Variants in CERS6 observed in about 807,000 individuals in gnomAD.
CERS6 encodes the protein ceramide synthase 6.
A neutral mutation model predicts 56.8 loss-of-function variants in CERS6; 26 were observed. The observed-to-expected ratio is 0.46, with a 90% CI of 0.34 to 0.63. The LOEUF is 0.63. Among genes scored for constraint, CERS6 ranks in the 30% least tolerant of loss-of-function variants. CERS6 has a pLI of 0.01. For missense variants in CERS6, 415 were observed against 467.5 expected (o/e 0.89, Z 1.04); for synonymous variants, 164 against 173.3 (o/e 0.95, Z 0.42).
chr2:168,680,335 G>A (rs1442782544), intron 4 of CERS6, among the ~76,000 whole-genome samples: 1 of 152,202 alleles, frequency 6.6e-6, no homozygotes, highest in South Asian at 2.1e-4. Context: ...GCTGAAAATA[G>A]GGAGGAGGCA....
intron 8 of CERS6, 21 bp downstream of exon 8, chr2:168,717,999 C>G (rs746315106): frequency 6.7e-6 from 10 of 1,495,192 alleles, no homozygotes; most frequent in Admixed American, 3.5e-5. Flanking sequence ...CAGTCTCCTT[C>G]CTGATAGAGC....
chr2:168,490,164 T>C (rs1028831458), intron 1 of CERS6, among the ~76,000 whole-genome samples: 2 of 152,192 alleles, frequency 1.3e-5, no homozygotes, highest in Admixed American at 6.5e-5. Context: ...GCTGTTGCTA[T>C]ACTGTTCTAG....
intron 1 of CERS6, among the ~76,000 whole-genome samples, chr2:168,524,881 T>C (rs1341502624): frequency 1.3e-5 from 2 of 151,752 alleles, no homozygotes; most frequent in African/African-American, 4.8e-5. Flanking sequence ...ATTACTTGTG[T>C]ATTATATATC....
intron 3 of CERS6, 54 bp downstream of exon 3, chr2:168,561,376 C>A: frequency 6.2e-7 from 1 of 1,604,108 alleles, no homozygotes; most frequent in Non-Finnish European, 8.5e-7. Flanking sequence ...CATGCCAACC[C>A]TGAGGTGAAA....
At chr2:168,618,609 A>C (rs1239181810) in intron 3 of CERS6, among the ~76,000 whole-genome samples, 1 of 152,224 alleles carries the variant, frequency 6.6e-6, no homozygotes, top group East Asian at 1.9e-4. Flanking sequence ...GAATCAAATG[A>C]AGAAATCAAC....
chr2:168,596,813 T>C (rs1683811351), intron 3 of CERS6, among the ~76,000 whole-genome samples: 1 of 152,098 alleles, frequency 6.6e-6, no homozygotes, highest in Non-Finnish European at 1.5e-5. Flanking sequence ...ATTACAGGTG[T>C]GAACCACCAT....
intron 3 of CERS6, among the ~76,000 whole-genome samples, chr2:168,596,934 T>G (rs1472176823): frequency 6.6e-6 from 1 of 152,230 alleles, no homozygotes; most frequent in Non-Finnish European, 1.5e-5. Context: ...TCAAGAATCC[T>G]TTTATTGTAG....
chr2:168,739,030 C>T (rs955198694), intron 8 of CERS6, among the ~76,000 whole-genome samples: 1 of 148,762 alleles, frequency 6.7e-6, no homozygotes, highest in Non-Finnish European at 1.5e-5. Flanking sequence ...GGACTACAGG[C>T]ACATGCTGCC....
At chr2:168,483,283 AT>A (rs199864964) in intron 1 of CERS6, among the ~76,000 whole-genome samples, 29,625 of 146,256 alleles carry the variant, frequency 0.2, 3,170 homozygotes, top group Middle Eastern at 0.27. Context: ...TTACATAGCT[AT>A]TTTTTTTTTT....
intron 3 of CERS6, among the ~76,000 whole-genome samples, chr2:168,589,355 T>G (rs1360935447): frequency 6.6e-6 from 1 of 152,196 alleles, no homozygotes; most frequent in African/African-American, 2.4e-5. Flanking sequence ...TATCTCCATT[T>G]GAAAGAAGAG....
At position 168,666,160 on chromosome 2, in the gene CERS6, C is replaced by T. The variant is rs144095625; in HGVS notation, c.466-24874C>T. Among the ~76,000 whole-genome samples, 238 of 152,180 alleles carry T rather than the reference C, an allele frequency of 1.6e-3. 3 individuals are homozygous for T. Among genetic ancestry groups the T allele is most frequent in the African/African-American group, 4.6e-3 (192 of 41,542 alleles). On this transcript the variant is annotated intron_variant, in intron 4 of 9. Transcript: ENST00000305747. Reference sequence around the variant, plus strand: ...CAGTTGATGAGCCAATATTAAAACACTATTGTTGGCTAAAGTGCATAGTTT... The same window carrying T: ...CAGTTGATGAGCCAATATTAAAACATTATTGTTGGCTAAAGTGCATAGTTT...
intron 3 of CERS6, among the ~76,000 whole-genome samples, chr2:168,570,232 T>C (rs1313797796): frequency 6.6e-6 from 1 of 152,162 alleles, no homozygotes; most frequent in African/African-American, 2.4e-5. Flanking sequence ...TGGGCATTAC[T>C]CACGCACAAG....
chr2:168,744,669 A>T (rs1018170788), intron 8 of CERS6, among the ~76,000 whole-genome samples: 8 of 152,212 alleles, frequency 5.3e-5, no homozygotes, highest in Admixed American at 5.2e-4. Context: ...GGAGGACAAA[A>T]TTTAAAACAT....
At chr2:168,741,748 T>C (rs1444898290) in intron 8 of CERS6, among the ~76,000 whole-genome samples, 3 of 152,182 alleles carry the variant, frequency 2.0e-5, no homozygotes, top group Non-Finnish European at 2.9e-5. Flanking sequence ...CAGGCAGGCA[T>C]GCTGTAAAGA....
chr2:168,516,913 C>G (rs16855431), intron 1 of CERS6, among the ~76,000 whole-genome samples: 2,719 of 152,166 alleles, frequency 0.018, 51 homozygotes, highest in African/African-American at 0.047. Flanking sequence ...CTCTTGATCA[C>G]AAGTCTGTCC....
At chr2:168,471,408 A>C (rs933447896) in intron 1 of CERS6, among the ~76,000 whole-genome samples, 1 of 152,194 alleles carries the variant, frequency 6.6e-6, no homozygotes, top group African/African-American at 2.4e-5. Context: ...ATTACATACT[A>C]CTTTTTAGTT....
intron 8 of CERS6, among the ~76,000 whole-genome samples, chr2:168,731,601 G>A (rs1329182579): frequency 6.6e-6 from 1 of 152,000 alleles, no homozygotes; most frequent in East Asian, 1.9e-4. Flanking sequence ...TTTGACCATG[G>A]GAAGGGAGGG....
Position 168,607,602 on chromosome 2 carries a change from G to C in CERS6, c.408-23383G>C, listed in dbSNP as rs554696248. On this transcript the variant is annotated intron_variant, in intron 3 of 9. Coordinates refer to ENST00000305747, the MANE Select transcript of CERS6 (RefSeq NM_203463.3). ...TCACCATGTTGGCCAGGATGATCTC[G>C]ATCTCCTGATCTTGTGATCCGCCTG... Among the ~76,000 whole-genome samples the C allele has an allele frequency of 1.3e-4, 20 of 152,070 alleles. 1 individual carries two copies.
chr2:168,651,938 T>G (rs1330813904), intron 4 of CERS6, among the ~76,000 whole-genome samples: 1 of 152,244 alleles, frequency 6.6e-6, no homozygotes, highest in African/African-American at 2.4e-5. Context: ...CAATAGTGAT[T>G]GATAATTTAT....
Sources: allele counts gnomAD v4.1 joint callset (sites outside exome capture counted in the v4.1 genomes callset), GRCh38; gene constraint gnomAD v4.1.1; transcripts MANE v1.5; gene names NCBI Gene and HGNC (gene_info 2026-07-23, HGNC 2026-07-21).